Variants in RRP12 observed in about 807,000 individuals in gnomAD.
RRP12 encodes ribosomal RNA processing 12 homolog, also known as RRP12-like protein.
RRP12 carries 78 observed loss-of-function variants against 157.3 expected under a neutral mutation model. The ratio of observed to expected loss-of-function variants is 0.50; its 90% confidence interval spans 0.41 to 0.60. The LOEUF (loss-of-function observed/expected upper bound fraction) is 0.60. Ranked by LOEUF, RRP12 falls within the 20% of genes least tolerant of loss-of-function variation. RRP12 has a pLI of 0.00. For missense variants in RRP12, 1,521 were observed against 1,679.9 expected, an observed-to-expected ratio of 0.91 and a Z score of 1.65; for synonymous variants, 726 against 670.9, an observed-to-expected ratio of 1.08 and a Z score of -1.27.
chr10:97,368,655 G>C (rs552247109), intron 25 of RRP12, among the ~76,000 whole-genome samples: 1 of 152,228 alleles, frequency 6.6e-6, no homozygotes, highest in Admixed American at 6.5e-5. Context: ...ACTGCAGCCG[G>C]CCAGGGCTTG....
In RRP12 at chr10:97,393,674, C is replaced by T. The variant is rs1844874358; in HGVS notation, c.530+10G>A. On this transcript the variant is annotated intron_variant, in intron 4 of 33. Coordinates refer to ENST00000370992, the MANE Select transcript of RRP12 (RefSeq NM_015179.4). ...AAAGCCTTGGGGTTCAAACAGGAGG[C>T]AGAACTCACCGCTTCAGGACAAGGT... 6.2e-7 allele frequency: 1 copy of T among 1,612,886 alleles called. No homozygotes were observed. Among genetic ancestry groups the T allele is most frequent in the Non-Finnish European group, 8.5e-7 (1 of 1,179,046 alleles).
In RRP12 at chr10:97,385,963, G is replaced by C; in HGVS notation, c.1048C>G (p.His350Asp). Reference sequence around the variant, plus strand: ...CCAGGCCTGGCGTGGAAGAGGCTGTGAAAGGCCTGCATGGCACAGGCTGTC... The same window carrying C: ...CCAGGCCTGGCGTGGAAGAGGCTGTCAAAGGCCTGCATGGCACAGGCTGTC... Reference protein sequence around the residue: ...LVTACAMQAFHSLFHARPGLS... With the variant: ...LVTACAMQAFDSLFHARPGLS... The change falls in exon 9 of 34, where the codon CAC (histidine) becomes GAC (aspartate). Residue 350 changes from histidine to aspartate, a missense_variant. His to Asp is a moderately conservative substitution (Grantham distance 81). Transcript: ENST00000370992. 1 of 1,603,922 alleles carries C rather than the reference G, an allele frequency of 6.2e-7. No individual in the cohort carries two copies. The highest frequency in any genetic ancestry group is 8.5e-7 in the Non-Finnish European group (1 of 1,175,462).
intron 16 of RRP12, 25 bp from the exon 17 acceptor site, chr10:97,373,762 G>A: frequency 1.9e-6 from 3 of 1,612,678 alleles, no homozygotes; most frequent in Non-Finnish European, 2.5e-6. Context: ...GACAATAAAG[G>A]AAGGTGACAC....
chr10:97,365,248 AGG>A (rs902547378), intron 29 of RRP12, among the ~76,000 whole-genome samples: 3 of 147,684 alleles, frequency 2.0e-5, no homozygotes, highest in African/African-American at 7.5e-5. Flanking sequence ...AAGGGATGAC[AGG>A]TGTGTTCTTG....
At chr10:97,398,039 A>ATTTTTTTTTTTTTTTTT (rs1184698036) in intron 2 of RRP12, among the ~76,000 whole-genome samples, 1 of 56,026 alleles carries the variant, frequency 1.8e-5, no homozygotes, top group African/African-American at 8.7e-5. Context: ...ATATATACGT[A>ATTTTTTTTTTTTTTTTT]TTTTTTTTTT....
chr10:97,396,802 G>C (rs527495957), intron 2 of RRP12, among the ~76,000 whole-genome samples: 1 of 152,178 alleles, frequency 6.6e-6, no homozygotes, highest in South Asian at 2.1e-4. Context: ...GAGTCTCACT[G>C]TTAGCTAGGC....
Position 97,401,251 on chromosome 10 carries a change from G to A in RRP12, c.-20C>T, listed in dbSNP as rs1378307925. 1.2e-6 allele frequency: 2 copies of A among 1,613,836 alleles called. No individual in the cohort carries two copies. Among genetic ancestry groups the A allele is most frequent in the East Asian group, 4.5e-5 (2 of 44,898 alleles). On this transcript the variant is annotated 5_prime_UTR_variant, in exon 1 of 34. Coordinates refer to ENST00000370992, the MANE Select transcript of RRP12 (RefSeq NM_015179.4). ...ACCCATGTTGACTAAGCCGTGGCGA[G>A]GAATGAGCTTAAATGACCGGCTTCC...
rs751287027 is a variant in RRP12, at chr10:97,366,496, C to T, written c.3341G>A (p.Gly1114Glu). Residue 1114 changes from glycine (G) to glutamate (E), a missense_variant, in exon 28 of 34, where the codon GGG becomes GAG. By Grantham distance (98) the Gly-to-Glu change is moderately conservative (BLOSUM62 -2). Coordinates refer to ENST00000370992, the MANE Select transcript of RRP12 (RefSeq NM_015179.4). ...RSRAWLKEGG[G>E]DEPLNFLDPK... The stretch of plus-strand genomic sequence containing the variant: ...ATCCAGGAAGTTGAGGGGCTCGTCC[C>T]CACCGCCCTCTTTCAGCCATGCCCG... 6.2e-7 allele frequency: 1 copy of T among 1,614,014 alleles called. No individual in the cohort carries two copies. Among genetic ancestry groups the T allele is most frequent in the South Asian group, 1.1e-5 (1 of 91,062 alleles).
chr10:97,374,091 C>T (rs1458854897), intron 15 of RRP12, among the ~76,000 whole-genome samples, 197 bp from the exon 16 acceptor site: 1 of 152,194 alleles, frequency 6.6e-6, no homozygotes, highest in East Asian at 1.9e-4. Context: ...AACGTCTCTC[C>T]ATACTCTTAC....
At chr10:97,385,296 T>C in intron 9 of RRP12, 39 bp from the exon 10 acceptor site, 1 of 1,480,152 alleles carries the variant, frequency 6.8e-7, no homozygotes, top group African/African-American at 1.4e-5. Context: ...GCATGCAGGG[T>C]CTGCAATAGC....
chr10:97,371,103 G>C (rs1844140586), intron 20 of RRP12, 22 bp from the exon 21 acceptor site: 1 of 1,610,210 alleles, frequency 6.2e-7, no homozygotes, highest in East Asian at 2.2e-5. Flanking sequence ...GAACCGGTGA[G>C]GGAGGCCTGG....
intron 12 of RRP12, 143 bp downstream of exon 12, chr10:97,381,243 T>C: frequency 1.5e-6 from 1 of 658,970 alleles, no homozygotes; most frequent in South Asian, 2.1e-5. Flanking sequence ...CTCCGGCAGA[T>C]GTTCAGTAAG....
intron 15 of RRP12, among the ~76,000 whole-genome samples, chr10:97,379,012 A>G (rs917897988): frequency 7.9e-5 from 12 of 152,276 alleles, no homozygotes; most frequent in African/African-American, 2.9e-4. Flanking sequence ...TCTGTGATCC[A>G]AAGGGGAAGA....
At position 97,396,217 on chromosome 10, in the gene RRP12, C is replaced by T. The variant is rs200671372; in HGVS notation, c.453+1G>A. ...CCCACCCTCCAGTGGCACCCACTCA[C>T]CAGAGCAGCGAAGTACTCAGTCTCC... On this transcript the variant is annotated splice_donor_variant, in intron 3 of 33. Coordinates refer to ENST00000370992, the MANE Select transcript of RRP12 (RefSeq NM_015179.4). LOFTEE classifies it high-confidence loss of function. 183 of 1,609,204 alleles carry T rather than the reference C, an allele frequency of 1.1e-4. No homozygotes were observed. Among genetic ancestry groups the T allele is most frequent in the Non-Finnish European group, 1.5e-4 (179 of 1,175,842 alleles).
Position 97,369,445 on chromosome 10 carries a change from C to T in RRP12, c.2935G>A (p.Ala979Thr). 6.2e-7 allele frequency: 1 copy of T among 1,612,014 alleles called. No individual in the cohort carries two copies. Among genetic ancestry groups the T allele is most frequent in the Non-Finnish European group, 8.5e-7 (1 of 1,179,180 alleles). Residue 979 changes from alanine (A) to threonine (T), a missense_variant, in exon 25 of 34, where the codon GCC becomes ACC. Coordinates refer to ENST00000370992, the MANE Select transcript of RRP12 (RefSeq NM_015179.4). ...CTCACCACCAGCTGCACATGTTTGG[C>T]CAGGTGCGCCACGTCCATGACAGTC... ...AVTVMDVAHLAKHVQLVMEAI... is the reference protein window; with the variant it reads ...AVTVMDVAHLTKHVQLVMEAI...
In RRP12 at chr10:97,366,693, C is replaced by A. The variant is rs542643396; in HGVS notation, c.3215+49G>T. On this transcript the variant is annotated intron_variant, in intron 27 of 33. Coordinates refer to ENST00000370992, the MANE Select transcript of RRP12 (RefSeq NM_015179.4). ...GGTCAGCGGGTATTGCCTGGGCAGG[C>A]CCTTGGGTTGGGGGGACACCGGGTC... The A allele has an allele frequency of 3.1e-6, 5 of 1,601,368 alleles. No homozygotes were observed. In the East Asian group the frequency reaches 6.7e-5, roughly 21 times the overall value.
intron 2 of RRP12, among the ~76,000 whole-genome samples, chr10:97,397,523 C>A (rs749204921): frequency 2.6e-5 from 4 of 151,910 alleles, no homozygotes; most frequent in African/African-American, 4.8e-5. Flanking sequence ...AGGTGCAGAA[C>A]CCGCAAATAT....
intron 8 of RRP12, among the ~76,000 whole-genome samples, chr10:97,387,269 A>G (rs1407242050): frequency 6.6e-6 from 1 of 152,110 alleles, no homozygotes; most frequent in Non-Finnish European, 1.5e-5. Context: ...TCAGTACAGA[A>G]GCAACCAACC....
rs754729437 is a variant in RRP12 at position 97,381,406 on chromosome 10, T to G, written c.1398A>C (p.Gln466His). Residue 466 changes from glutamine to histidine, a missense_variant, in exon 12 of 34, where the codon CAA becomes CAC. Gln to His is a conservative substitution (Grantham distance 24). Coordinates refer to ENST00000370992, the MANE Select transcript of RRP12 (RefSeq NM_015179.4). ...SVTSSASGPA[Q>H]SVAKMFRAVE... ...CTCACCTGAACATCTTGGCAACAGA[T>G]TGGGCAGGGCCTGAGGCCGAGGAGG... 6.2e-7 allele frequency: 1 copy of G among 1,611,646 alleles called. No individual in the cohort carries two copies. The highest frequency in any genetic ancestry group is 1.7e-5 in the Admixed American group (1 of 59,238).
Sources: allele counts gnomAD v4.1 joint callset (sites outside exome capture counted in the v4.1 genomes callset), GRCh38; gene constraint gnomAD v4.1.1; transcripts MANE v1.5; gene names NCBI Gene and HGNC (gene_info 2026-07-23, HGNC 2026-07-21).